The following PTPRD variants were observed in gnomAD, a reference collection of about 807,000 sequenced individuals.
PTPRD encodes protein tyrosine phosphatase receptor type D.
In PTPRD, 34 loss-of-function variants were observed where a neutral mutation model predicts 214.5. The ratio of observed to expected loss-of-function variants is 0.16; its 90% CI spans 0.12 to 0.21. The LOEUF is 0.21. Among genes scored for constraint, PTPRD ranks in the 10% least tolerant of loss-of-function variants. The pLI is 1.00. For missense variants in PTPRD, 2,545 were observed against 2,398.7 expected (o/e 1.06, Z -1.27); for synonymous variants, 1,128 against 845.7 (o/e 1.33, Z -5.79).
intron 3 of PTPRD, among the ~76,000 whole-genome samples, chr9:10,304,393 G>T (rs898483103): frequency 2.0e-5 from 3 of 152,130 alleles, no homozygotes; most frequent in Non-Finnish European, 4.4e-5. Context: ...ATTCAACATA[G>T]TATTGGAAGT....
chr9:10,268,385 T>A (rs770240670), intron 3 of PTPRD, among the ~76,000 whole-genome samples: 2 of 151,740 alleles, frequency 1.3e-5, no homozygotes, highest in Non-Finnish European at 2.9e-5. Context: ...TTTTAAATGT[T>A]CTAAATTTGT....
intron 12 of PTPRD, among the ~76,000 whole-genome samples, chr9:8,656,682 T>A (rs1211040996): frequency 2.6e-5 from 4 of 152,230 alleles, no homozygotes; most frequent in African/African-American, 9.6e-5. Flanking sequence ...CTAGGGAAGC[T>A]GAATTGAAAT....
intron 4 of PTPRD, among the ~76,000 whole-genome samples, chr9:10,025,070 G>C (rs1255349860): frequency 6.6e-6 from 1 of 151,796 alleles, no homozygotes; most frequent in Admixed American, 6.6e-5. Context: ...TTGCTATTGT[G>C]AATAGTGCCG....
At chr9:10,158,087 C>T (rs2099104878) in intron 3 of PTPRD, among the ~76,000 whole-genome samples, 1 of 152,106 alleles carries the variant, frequency 6.6e-6, no homozygotes, top group South Asian at 2.1e-4. Context: ...CAGCTCACTA[C>T]AACCTCCTCC....
At chr9:10,328,973 A>T in intron 3 of PTPRD, among the ~76,000 whole-genome samples, 1 of 151,706 alleles carries the variant, frequency 6.6e-6, no homozygotes, top group East Asian at 2.0e-4. Flanking sequence ...TATATACTGT[A>T]TCAGCTCTTC....
At chr9:9,842,028 A>T (rs2058447023) in intron 5 of PTPRD, among the ~76,000 whole-genome samples, 1 of 152,034 alleles carries the variant, frequency 6.6e-6, no homozygotes, top group African/African-American at 2.4e-5. Context: ...TACATGTTTA[A>T]TATTGGGAAA....
chr9:8,715,330 T>A (rs144894095), intron 12 of PTPRD, among the ~76,000 whole-genome samples: 11 of 152,270 alleles, frequency 7.2e-5, no homozygotes, highest in Admixed American at 2.0e-4. Flanking sequence ...CACACCCATT[T>A]CACAGATGAG....
At chr9:8,486,994 T>C (rs376569090) in intron 27 of PTPRD, among the ~76,000 whole-genome samples, 1 of 151,586 alleles carries the variant, frequency 6.6e-6, no homozygotes, top group African/African-American at 2.4e-5. Flanking sequence ...CTTAAAAGTT[T>C]AAAAAAAAAC....
intron 3 of PTPRD, among the ~76,000 whole-genome samples, chr9:10,037,941 A>T (rs1422494891): frequency 6.6e-6 from 1 of 152,194 alleles, no homozygotes; most frequent in East Asian, 1.9e-4. Context: ...AAAGTAGTTT[A>T]ATTTCACTAC....
At chr9:8,827,558 G>T (rs1045488163) in intron 11 of PTPRD, among the ~76,000 whole-genome samples, 3 of 152,122 alleles carry the variant, frequency 2.0e-5, no homozygotes, top group Non-Finnish European at 2.9e-5. Context: ...AGTGAGCCAA[G>T]ATTGGGCCAC....
chr9:9,415,156 G>T (rs1190378204), intron 8 of PTPRD, among the ~76,000 whole-genome samples: 1 of 152,092 alleles, frequency 6.6e-6, no homozygotes, highest in Admixed American at 6.6e-5. Context: ...ATGAGATAGA[G>T]AAAAACAGGG....
intron 14 of PTPRD, among the ~76,000 whole-genome samples, chr9:8,602,086 G>C (rs1444719648): frequency 6.6e-6 from 1 of 152,088 alleles, no homozygotes; most frequent in East Asian, 1.9e-4. Flanking sequence ...AGATGAAAAG[G>C]AGGGAAAAAT....
At chr9:9,925,115 T>C (rs1438838562) in intron 5 of PTPRD, among the ~76,000 whole-genome samples, 1 of 152,134 alleles carries the variant, frequency 6.6e-6, no homozygotes, top group Non-Finnish European at 1.5e-5. Flanking sequence ...ATTCAACTAT[T>C]ATAGTAGGTT....
At chr9:10,036,570 T>TA (rs148036501) in intron 3 of PTPRD, among the ~76,000 whole-genome samples, 8,610 of 149,172 alleles carry the variant, frequency 0.058, 303 homozygotes, top group Non-Finnish European at 0.082. Context: ...ACAAATACAT[T>TA]TTTTTTTATT....
intron 5 of PTPRD, among the ~76,000 whole-genome samples, chr9:9,844,477 T>A (rs1174456284): frequency 2.6e-5 from 4 of 151,972 alleles, no homozygotes; most frequent in African/African-American, 9.7e-5. Flanking sequence ...AAGGGAACAA[T>A]TGATTTTTAT....
chr9:10,058,172 T>C (rs1166307200), intron 3 of PTPRD, among the ~76,000 whole-genome samples: 1 of 152,050 alleles, frequency 6.6e-6, no homozygotes, highest in Non-Finnish European at 1.5e-5. Context: ...CTAGTGATTC[T>C]CATTGAGAAA....
intron 2 of PTPRD, among the ~76,000 whole-genome samples, chr9:10,384,179 TTGGA>T (rs1407549264): frequency 1.3e-5 from 2 of 151,600 alleles, no homozygotes; most frequent in Admixed American, 6.6e-5. Flanking sequence ...AAGAGTATAA[TTGGA>T]TTGTTTGTAA....
chr9:9,079,953 C>T (rs1227770901), intron 10 of PTPRD, among the ~76,000 whole-genome samples: 1 of 151,996 alleles, frequency 6.6e-6, no homozygotes, highest in Non-Finnish European at 1.5e-5. Context: ...TAAGTGTGCA[C>T]AGTATGCTTG....
At chr9:10,502,060 T>TA (rs1476124097) in intron 2 of PTPRD, among the ~76,000 whole-genome samples, 17 of 151,596 alleles carry the variant, frequency 1.1e-4, no homozygotes, top group Admixed American at 2.0e-4. Flanking sequence ...TAATTTTTTT[T>TA]AAGAAAATAG....
Sources: allele counts gnomAD v4.1 joint callset (sites outside exome capture counted in the v4.1 genomes callset), GRCh38; gene constraint gnomAD v4.1.1; transcripts MANE v1.5; gene names NCBI Gene and HGNC (gene_info 2026-07-23, HGNC 2026-07-21).